Variants in RNF38 observed in about 807,000 individuals in gnomAD.
The protein encoded by RNF38 is E3 ubiquitin-protein ligase RNF38.
A neutral mutation model predicts 67.2 loss-of-function variants in RNF38; 15 were observed. The ratio of observed to expected loss-of-function variants is 0.22; its 90% CI spans 0.15 to 0.34. The LOEUF (loss-of-function observed/expected upper bound fraction) is 0.34, where lower values mean the gene tolerates loss of function less well. Among genes scored for constraint, RNF38 ranks in the 10% least tolerant of loss-of-function variants. The probability of loss-of-function intolerance (pLI) is 1.00; values close to 1 mark genes in which losing one functional copy is unlikely to be tolerated. For missense variants in RNF38, 524 were observed against 639.9 expected, an observed-to-expected ratio of 0.82 and a Z score of 1.95; for synonymous variants, 220 against 218.8, an observed-to-expected ratio of 1.01 and a Z score of -0.05.
At chr9:36,428,761 A>G (rs1365340856) in intron 1 of RNF38, among the ~76,000 whole-genome samples, 1 of 152,184 alleles carries the variant, frequency 6.6e-6, no homozygotes, top group Non-Finnish European at 1.5e-5. Flanking sequence ...ATTCAGGGCT[A>G]TATTTCTTGA....
At chr9:36,398,927 CCA>C (rs1837764580) in intron 1 of RNF38, among the ~76,000 whole-genome samples, 1 of 152,034 alleles carries the variant, frequency 6.6e-6, no homozygotes, top group African/African-American at 2.4e-5. Flanking sequence ...AATTTCTCAC[CCA>C]CACTTTCCAC....
chr9:36,374,429 T>C (rs1835630067), intron 3 of RNF38, among the ~76,000 whole-genome samples: 1 of 152,238 alleles, frequency 6.6e-6, no homozygotes, highest in Admixed American at 6.5e-5. Flanking sequence ...CCCTGGCTCT[T>C]GCAGACAACT....
intron 1 of RNF38, among the ~76,000 whole-genome samples, chr9:36,454,580 C>T (rs1330132680): frequency 1.7e-4 from 19 of 112,440 alleles, no homozygotes; most frequent in South Asian, 5.7e-4. Context: ...CATTAATTTA[C>T]TTTTTTTTTT....
intron 3 of RNF38, among the ~76,000 whole-genome samples, chr9:36,374,142 C>T (rs1357703303): frequency 1.3e-5 from 2 of 152,088 alleles, no homozygotes; most frequent in East Asian, 1.9e-4. Context: ...TACTATCTTA[C>T]CTAAAAACAT....
intron 1 of RNF38, among the ~76,000 whole-genome samples, chr9:36,438,982 C>T (rs1334561661): frequency 1.4e-5 from 2 of 143,818 alleles, no homozygotes; most frequent in Non-Finnish European, 3.0e-5. Context: ...TCTACTCTCA[C>T]AAACTAGAAG....
At chr9:36,360,803 C>T (rs769596365) in intron 4 of RNF38, among the ~76,000 whole-genome samples, 2 of 152,054 alleles carry the variant, frequency 1.3e-5, no homozygotes, top group East Asian at 1.9e-4. Flanking sequence ...CCCCCTACCC[C>T]GACCAACTGC....
At chr9:36,353,126 G>GCAAGTAT (rs775632345) in intron 7 of RNF38, 44 bp downstream of exon 7, 8 of 1,519,302 alleles carry the variant, frequency 5.3e-6, no homozygotes, top group Non-Finnish European at 7.3e-6. Flanking sequence ...GAACAAGTAA[G>GCAAGTAT]TTGCCAAAGC....
At chr9:36,348,587 T>C (rs568056971) in intron 9 of RNF38, among the ~76,000 whole-genome samples, 33 of 152,280 alleles carry the variant, frequency 2.2e-4, no homozygotes, top group African/African-American at 7.0e-4. Context: ...GTGATACAGA[T>C]AGAAAATCCA....
chr9:36,400,838 C>G, upstream of RNF38: 1 of 982,666 alleles, frequency 1.0e-6, no homozygotes, highest in Non-Finnish European at 1.2e-6. Context: ...CACGCCCCAA[C>G]CGACCGGGCC....
upstream of RNF38, chr9:36,400,337 CA>C: frequency 8.0e-7 from 1 of 1,244,078 alleles, no homozygotes; most frequent in East Asian, 3.2e-5. Context: ...TGCGTCTCGG[CA>C]AAAAGGGAGG....
intron 1 of RNF38, among the ~76,000 whole-genome samples, chr9:36,458,667 C>G (rs1001095353): frequency 1.1e-4 from 17 of 151,984 alleles, no homozygotes; most frequent in Non-Finnish European, 2.2e-4. Flanking sequence ...CCGGACACAT[C>G]TGAACATCTG....
upstream of RNF38, chr9:36,401,014 C>A (rs1386100195): frequency 2.0e-6 from 2 of 984,438 alleles, no homozygotes; most frequent in African/African-American, 1.8e-5. Flanking sequence ...CGACTCCCCT[C>A]GCCGCTAGGC....
At position 36,466,810 on chromosome 9, in the gene RNF38, T is replaced by C. The variant is rs533381606; in HGVS notation, n.241+20498A>G. On this transcript the variant is annotated intron_variant and non_coding_transcript_variant, in intron 1 of 3. Transcript: ENST00000488058. The stretch of plus-strand genomic sequence containing the variant: ...TTATTTTCTCTAATATACATTTCTA[T>C]AACATTTTAAATTTTGCCATGTATA... 8.5e-5 allele frequency among the ~76,000 whole-genome samples: 13 copies of C among 152,214 alleles called. No individual in the cohort carries two copies. The South Asian group carries it at 2.5e-3, about 29-fold the overall frequency.
chr9:36,478,577 G>A (rs1237476805), intron 1 of RNF38, among the ~76,000 whole-genome samples: 1 of 151,628 alleles, frequency 6.6e-6, no homozygotes, highest in Non-Finnish European at 1.5e-5. Flanking sequence ...CAGCACTCTG[G>A]GAGGCCGAGG....
At chr9:36,390,652 T>C (rs754402507) in intron 1 of RNF38, 36 bp from the exon 2 acceptor site, 3 of 1,607,204 alleles carry the variant, frequency 1.9e-6, no homozygotes, top group Non-Finnish European at 2.6e-6. Context: ...AGTTCATGGC[T>C]AGCTGCACCA....
intron 2 of RNF38, among the ~76,000 whole-genome samples, chr9:36,412,798 C>T (rs1219564731): frequency 2.6e-5 from 4 of 151,828 alleles, no homozygotes; most frequent in East Asian, 1.9e-4. Flanking sequence ...TAGGGTCAGG[C>T]GCGGTGGTTC....
chr9:36,468,869 T>G (rs1352026795), intron 1 of RNF38, among the ~76,000 whole-genome samples: 1 of 151,864 alleles, frequency 6.6e-6, no homozygotes, highest in African/African-American at 2.4e-5. Context: ...ATCCCAACAC[T>G]TTGGGAGGCT....
At chr9:36,441,610 C>A (rs1490623553) in intron 1 of RNF38, among the ~76,000 whole-genome samples, 1 of 152,166 alleles carries the variant, frequency 6.6e-6, no homozygotes, top group African/African-American at 2.4e-5. Context: ...GCGTGAGCCA[C>A]CGCGCCTGGC....
At chr9:36,459,552 G>A (rs1307849625) in intron 1 of RNF38, among the ~76,000 whole-genome samples, 1 of 152,090 alleles carries the variant, frequency 6.6e-6, no homozygotes, top group Non-Finnish European at 1.5e-5. Flanking sequence ...TCCCCTTAGT[G>A]TTTTCTGACA....
Sources: gnomAD v4.1 joint callset for allele counts (sites outside exome capture counted in the v4.1 genomes callset) on GRCh38, gnomAD v4.1.1 for gene constraint, MANE v1.5 for transcripts, NCBI Gene and HGNC (gene_info 2026-07-23, HGNC 2026-07-21) for gene names.